The following DDHD2 variants were observed in gnomAD, a reference collection of about 807,000 sequenced individuals.
DDHD2 encodes the protein DDHD domain containing 2.
A neutral mutation model predicts 91.2 loss-of-function variants in DDHD2; 62 were observed. That is an observed-to-expected ratio of 0.68 (90% CI 0.55 to 0.84). The LOEUF is 0.84. DDHD2 is among the 40% of genes least tolerant of loss of function. DDHD2 has a pLI of 0.00. For missense variants in DDHD2, 740 were observed against 846.9 expected, an observed-to-expected ratio of 0.87 and a Z score of 1.57; for synonymous variants, 271 against 293.9, an observed-to-expected ratio of 0.92 and a Z score of 0.80.
intron 1 of DDHD2, among the ~76,000 whole-genome samples, chr8:38,232,700 G>A (rs1015171093): frequency 2.0e-5 from 3 of 152,186 alleles, no homozygotes; most frequent in Non-Finnish European, 2.9e-5. Context: ...CGAGCATGTG[G>A]TCCTGTGATT....
At chr8:38,249,684 A>G in intron 10 of DDHD2, 24 bp from the exon 11 acceptor site, 1 of 1,553,272 alleles carries the variant, frequency 6.4e-7, no homozygotes, top group Non-Finnish European at 8.8e-7. Context: ...TAGAAATAAG[A>G]AAGACTTGAT....
intron 1 of DDHD2, chr8:38,270,154 C>G (rs1411593527): frequency 6.6e-6 from 1 of 152,192 alleles, no homozygotes; most frequent in Non-Finnish European, 1.5e-5. Flanking sequence ...TCAAGAGCTT[C>G]TAGCCAAGTC....
At chr8:38,268,292 G>C in intron 1 of DDHD2, 1 of 1,314,886 alleles carries the variant, frequency 7.6e-7, no homozygotes, top group Non-Finnish European at 1.1e-6. Context: ...CCTCCACACA[G>C]GCTCACCGTG....
At chr8:38,237,864 C>T (rs974793392) in intron 4 of DDHD2, among the ~76,000 whole-genome samples, 1 of 152,130 alleles carries the variant, frequency 6.6e-6, no homozygotes, top group African/African-American at 2.4e-5. Flanking sequence ...AAATCACTGA[C>T]ATATTATGTG....
At chr8:38,240,406 T>C (rs751103535) in intron 6 of DDHD2, 42 bp downstream of exon 6, 1 of 1,386,952 alleles carries the variant, frequency 7.2e-7, no homozygotes, top group Non-Finnish European at 1.0e-6. Context: ...ATCAGTGCTC[T>C]TGTGAGCTGA....
downstream of DDHD2, chr8:38,264,905 C>CT: frequency 1.2e-6 from 2 of 1,612,782 alleles, no homozygotes; most frequent in Non-Finnish European, 1.7e-6. Context: ...TAACAAAGGT[C>CT]CACTTATTGC....
rs748734887 is a variant in DDHD2 at position 38,269,036 on chromosome 8, C to G, written n.88-2086C>G. 12 of 1,533,248 alleles carry G rather than the reference C, an allele frequency of 7.8e-6. No individual in the cohort carries two copies. The East Asian group carries it at 2.9e-4, about 37-fold the overall frequency. The allele number at this position is 1,533,248 out of a possible 1,614,324, so 95.0% of individuals were successfully genotyped here. On this transcript the variant is annotated intron_variant and non_coding_transcript_variant, in intron 1 of 1. Coordinates refer to the DDHD2 transcript ENST00000526071. ...GCAGAGCAGGTCGCCTGGCTTCCTCCCCGCTTCCCCACTGCCCGACCCGCC... is the reference window on the plus strand; with the variant it reads ...GCAGAGCAGGTCGCCTGGCTTCCTCGCCGCTTCCCCACTGCCCGACCCGCC...
intron 16 of DDHD2, among the ~76,000 whole-genome samples, chr8:38,255,538 C>T (rs1396267149): frequency 1.3e-5 from 2 of 152,124 alleles, no homozygotes; most frequent in African/African-American, 4.8e-5. Flanking sequence ...GTCTTCCAGC[C>T]ATCTATTTTA....
At chr8:38,264,361 G>T, downstream of DDHD2, 1 of 1,146,884 alleles carries the variant, frequency 8.7e-7, no homozygotes, top group South Asian at 1.7e-5. Flanking sequence ...GGCTGGTCCT[G>T]ACCTCAGGTG....
downstream of DDHD2, chr8:38,267,368 C>A (rs772090931): frequency 2.1e-5 from 34 of 1,613,392 alleles, no homozygotes; most frequent in Non-Finnish European, 2.8e-5. Flanking sequence ...AGGGAAGCAG[C>A]GGTAGAAGAA....
In DDHD2 at chr8:38,238,138, C is replaced by T; in HGVS notation, c.551C>T (p.Thr184Ile). Residue 184 changes from threonine (T) to isoleucine (I), a missense_variant, in exon 5 of 18, where the codon ACA becomes ATA. Physicochemically the swap from Thr to Ile is moderately conservative, Grantham distance 89. Transcript: ENST00000397166. ...GCAGGGTCTGATGATTGGGGTTCAA[C>T]ACCCACGGAGCAGGGTCGACCAAGA... The part of the protein sequence containing the change: ...PVAGSDDWGS[T>I]PTEQGRPRTV... 6.2e-7 allele frequency: 1 copy of T among 1,613,832 alleles called. No individual in the cohort carries two copies. Among genetic ancestry groups the T allele is most frequent in the South Asian group, 1.1e-5 (1 of 91,002 alleles).
chr8:38,231,893 G>GGA (rs1258593111), intron 1 of DDHD2, 34 bp downstream of exon 1: 1 of 153,668 alleles, frequency 6.5e-6, no homozygotes, highest in Non-Finnish European at 1.4e-5. Context: ...CTGGACCGAG[G>GGA]GAGGCCAGGC....
chr8:38,244,156 C>T (rs893832857), intron 7 of DDHD2, among the ~76,000 whole-genome samples: 2 of 152,118 alleles, frequency 1.3e-5, no homozygotes, highest in African/African-American at 4.8e-5. Context: ...CCATGTTGGC[C>T]AAGCTGGTTT....
At position 38,246,228 on chromosome 8, in the gene DDHD2, T is replaced by C; in HGVS notation, c.1058-5T>C. 2 of 1,593,952 alleles carry C rather than the reference T, an allele frequency of 1.3e-6. No homozygotes were observed. Among genetic ancestry groups the C allele is most frequent in the Middle Eastern group, 3.3e-4 (2 of 6,016 alleles). On this transcript the variant is annotated splice_region_variant and splice_polypyrimidine_tract_variant and intron_variant, in intron 8 of 17. Coordinates refer to ENST00000397166, the MANE Select transcript of DDHD2 (RefSeq NM_015214.3). ...AAATTGTCCCTTCTTCTATTTTACT[T>C]ATAGGTTCGCTTATATTGTTTGATA...
intron 1 of DDHD2, chr8:38,269,237 C>G: frequency 4.2e-6 from 6 of 1,434,338 alleles, no homozygotes; most frequent in Non-Finnish European, 5.4e-6. Context: ...GCTGACGTGG[C>G]CACCTCCGCG....
At chr8:38,271,520 A>G (rs1479398222), downstream of DDHD2, 1 of 152,028 alleles carries the variant, frequency 6.6e-6, no homozygotes. Context: ...TTGTTAATTC[A>G]TTGCAAAGCT....
chr8:38,248,371 T>G (rs1033061985), intron 10 of DDHD2, among the ~76,000 whole-genome samples: 4 of 137,262 alleles, frequency 2.9e-5, no homozygotes, highest in African/African-American at 1.1e-4. Flanking sequence ...AGCTGATTTG[T>G]TTTTTTTTTT....
chr8:38,252,892 G>T (rs947000629), intron 14 of DDHD2, 65 bp from the exon 15 acceptor site: 1 of 1,606,166 alleles, frequency 6.2e-7, no homozygotes. Flanking sequence ...CATTCACTCT[G>T]TTCAGCTATG....
At chr8:38,242,203 AG>A (rs1428470078) in intron 6 of DDHD2, 46 bp from the exon 7 acceptor site, 3 of 1,464,214 alleles carry the variant, frequency 2.0e-6, no homozygotes, top group African/African-American at 1.4e-5. Flanking sequence ...CAGATTCTAC[AG>A]ATTTGTTACT....
Sources: allele counts gnomAD v4.1 joint callset (sites outside exome capture counted in the v4.1 genomes callset), GRCh38; gene constraint gnomAD v4.1.1; transcripts MANE v1.5; gene names NCBI Gene and HGNC (gene_info 2026-07-23, HGNC 2026-07-21).